Variants in TRPM8 observed in about 807,000 individuals in gnomAD.
TRPM8 encodes the protein TRPM8 cationic channel.
A neutral mutation model predicts 133.7 loss-of-function variants in TRPM8; 110 were observed. The observed-to-expected ratio is 0.82, with a 90% CI of 0.70 to 0.96. The LOEUF (loss-of-function observed/expected upper bound fraction) is 0.96. Among genes scored for constraint, TRPM8 ranks in the 40% least tolerant of loss-of-function variants. The pLI is 0.00. For missense variants in TRPM8, 1,291 were observed against 1,379.5 expected (o/e 0.94, Z 1.02); for synonymous variants, 535 against 532.3 (o/e 1.01, Z -0.07).
In TRPM8 at chr2:233,968,930, C is replaced by T. The variant is rs575408679; in HGVS notation, c.2026-765C>T. ...CAAGACATCAACAGTCTCTCCCTTC[C>T]GAACTTCCTTTTAGTTTCCTGACAA... On this transcript the variant is annotated intron_variant, in intron 15 of 25. Transcript: ENST00000324695. Among the ~76,000 whole-genome samples the T allele has an allele frequency of 2.6e-5, 4 of 152,172 alleles. No homozygotes were observed. In the South Asian group the frequency reaches 6.2e-4, roughly 24 times the overall value.
At chr2:233,964,930 C>T (rs1691529426) in intron 14 of TRPM8, among the ~76,000 whole-genome samples, 173 bp downstream of exon 14, 1 of 152,082 alleles carries the variant, frequency 6.6e-6, no homozygotes, top group African/African-American at 2.4e-5. Flanking sequence ...TTGGTCCTGG[C>T]ACATATGGAA....
At chr2:234,003,560 A>G (rs1007763638) in intron 22 of TRPM8, among the ~76,000 whole-genome samples, 2 of 152,192 alleles carry the variant, frequency 1.3e-5, no homozygotes, top group Non-Finnish European at 2.9e-5. Context: ...TTCTGTCTTG[A>G]AGCCATGTCA....
intron 2 of TRPM8, among the ~76,000 whole-genome samples, chr2:233,929,954 T>C (rs976301528): frequency 1.3e-5 from 2 of 152,252 alleles, no homozygotes; most frequent in Admixed American, 1.3e-4. Flanking sequence ...TGGGTTATTC[T>C]CTTTCAATGA....
rs979509020 is a variant in TRPM8, at chr2:233,958,174, A to T, written c.1363-2602A>T. Among the ~76,000 whole-genome samples the T allele has an allele frequency of 9.2e-5, 14 of 151,854 alleles. No homozygotes were observed. The East Asian group carries it at 2.5e-3, about 27-fold the overall frequency. On this transcript the variant is annotated intron_variant, in intron 11 of 25. Coordinates refer to ENST00000324695, the MANE Select transcript of TRPM8 (RefSeq NM_024080.5). ...GCTCCATCGGTATCATGGCAGGGGG[A>T]GTTGCTGATAGTTTTTTGAGGGCCT...
chr2:233,961,549 C>T (rs1574728854), intron 12 of TRPM8, among the ~76,000 whole-genome samples: 1 of 150,544 alleles, frequency 6.6e-6, no homozygotes. Context: ...CGTGATCTGT[C>T]CACCTCGGCC....
At chr2:234,010,714 T>C (rs1178092660) in intron 24 of TRPM8, among the ~76,000 whole-genome samples, 2 of 152,226 alleles carry the variant, frequency 1.3e-5, no homozygotes, top group African/African-American at 4.8e-5. Flanking sequence ...TTTTGATTTG[T>C]ATTTCCCTGA....
At chr2:233,936,301 A>G (rs12473889) in intron 3 of TRPM8, among the ~76,000 whole-genome samples, 12,412 of 152,228 alleles carry the variant, frequency 0.082, 630 homozygotes, top group Middle Eastern at 0.15. Context: ...CTGTTGAATG[A>G]AGGTGGTATG....
Position 233,948,325 on chromosome 2 carries a change from A to G in TRPM8, c.942+1170A>G, listed in dbSNP as rs28901647. Reference sequence around the variant, plus strand: ...AACATTAAAATAGAGATTTTTTTTCAGTGTGTGATTGTCAGTGTATTAAAA... The same window carrying G: ...AACATTAAAATAGAGATTTTTTTTCGGTGTGTGATTGTCAGTGTATTAAAA... On this transcript the variant is annotated intron_variant, in intron 8 of 25. Transcript: ENST00000324695. 7.2e-3 allele frequency among the ~76,000 whole-genome samples: 1,103 copies of G among 152,262 alleles called. 16 individuals are homozygous for G. Among genetic ancestry groups the G allele is most frequent in the African/African-American group, 0.025 (1,030 of 41,546 alleles).
chr2:233,992,596 C>T (rs1450742837), intron 21 of TRPM8, among the ~76,000 whole-genome samples: 1 of 152,128 alleles, frequency 6.6e-6, no homozygotes, highest in Non-Finnish European at 1.5e-5. Flanking sequence ...CTCTCCTGCT[C>T]AGCTGGTTTC....
At chr2:233,935,704 T>C (rs957895763) in intron 3 of TRPM8, among the ~76,000 whole-genome samples, 23 of 152,144 alleles carry the variant, frequency 1.5e-4, no homozygotes, top group Non-Finnish European at 2.9e-4. Context: ...CCCCCTTGAA[T>C]TCCTAGCACC....
chr2:233,927,710 CTTTCTTTCTTTCTTT>C (rs1559515873), intron 2 of TRPM8, among the ~76,000 whole-genome samples: 6 of 13,548 alleles, frequency 4.4e-4, no homozygotes, highest in East Asian at 5.2e-3. Flanking sequence ...GAGTCTGTCT[CTTTCTTTCTTTCTTT>C]CTTTCTTTCT....
intron 1 of TRPM8, among the ~76,000 whole-genome samples, chr2:233,919,971 T>G (rs1262797999): frequency 6.6e-6 from 1 of 152,044 alleles, no homozygotes; most frequent in Non-Finnish European, 1.5e-5. Context: ...GACAAGGGGG[T>G]CCTTGGTGTG....
At chr2:233,932,463 G>T (rs1460582743) in intron 3 of TRPM8, among the ~76,000 whole-genome samples, 1 of 152,150 alleles carries the variant, frequency 6.6e-6, no homozygotes, top group African/African-American at 2.4e-5. Flanking sequence ...GGAAGTTGAG[G>T]GACAGTGGAA....
chr2:233,966,888 T>C (rs1691591171), intron 15 of TRPM8, 133 bp downstream of exon 15: 5 of 1,212,536 alleles, frequency 4.1e-6, no homozygotes, highest in Non-Finnish European at 5.5e-6. Context: ...AGTGGTTTGG[T>C]GATGATGTGG....
At chr2:234,001,507 C>T (rs1397565786) in intron 22 of TRPM8, among the ~76,000 whole-genome samples, 1 of 152,182 alleles carries the variant, frequency 6.6e-6, no homozygotes, top group Non-Finnish European at 1.5e-5. Context: ...AGTCTACCAA[C>T]CTCATTTCCT....
At chr2:233,986,050 G>T (rs181798533) in intron 21 of TRPM8, among the ~76,000 whole-genome samples, 185 bp downstream of exon 21, 6 of 152,320 alleles carry the variant, frequency 3.9e-5, no homozygotes, top group Non-Finnish European at 8.8e-5. Context: ...TATAAGCTGT[G>T]CCTTGAGTTT....
Position 234,019,013 on chromosome 2 carries a change from G to A in TRPM8, c.*1757G>A, listed in dbSNP as rs1421457148. 3 of 152,084 alleles carry A rather than the reference G, an allele frequency of 2.0e-5. No individual in the cohort carries two copies. The highest frequency in any genetic ancestry group is 4.4e-5 in the Non-Finnish European group (3 of 68,004). 9.4% of individuals were successfully genotyped at this position (152,084 alleles called of 1,614,324 possible). ...AAGGCAATTGAAATGCCCATAATTA[G>A]TTTCTCAGCTTTGAATACACTATAA... On this transcript the variant is annotated 3_prime_UTR_variant, in exon 26 of 26. Transcript: ENST00000324695.
At chr2:233,919,690 A>G (rs1289425824) in intron 1 of TRPM8, among the ~76,000 whole-genome samples, 2 of 151,944 alleles carry the variant, frequency 1.3e-5, no homozygotes, top group Non-Finnish European at 2.9e-5. Context: ...TTATTTTATT[A>G]CAAGTACAGT....
intron 11 of TRPM8, among the ~76,000 whole-genome samples, chr2:233,955,688 C>G (rs752559767): frequency 2.6e-5 from 4 of 152,100 alleles, no homozygotes; most frequent in African/African-American, 4.8e-5. Context: ...ATTAGAGAAC[C>G]GTCCGTAGTG....
Sources: allele counts gnomAD v4.1 joint callset (sites outside exome capture counted in the v4.1 genomes callset), GRCh38; gene constraint gnomAD v4.1.1; transcripts MANE v1.5; gene names NCBI Gene and HGNC (gene_info 2026-07-23, HGNC 2026-07-21).